Variants in BLTP1 observed in about 807,000 individuals in gnomAD.
The protein encoded by BLTP1 is bridge-like lipid transfer protein family member 1, also known as fragile site-associated protein.
At chr4:122,291,130 T>A in the BLTP1 span, among the ~76,000 whole-genome samples, 2 of 152,254 alleles carry the variant, frequency 1.3e-5, no homozygotes, top group East Asian at 3.9e-4. Context: ...TGGAAATTAA[T>A]ATTTCTAACC....
chr4:122,221,691 T>A, the BLTP1 span: 1 of 580,758 alleles, frequency 1.7e-6, no homozygotes, highest in Non-Finnish European at 2.2e-6. Context: ...AAAAACCTCT[T>A]GTCCTCTCTA....
chr4:122,339,186 T>C, the BLTP1 span: 1 of 1,607,486 alleles, frequency 6.2e-7, no homozygotes, highest in Non-Finnish European at 8.5e-7. Flanking sequence ...CTAGAAACCT[T>C]TTGCTGTCTG....
At chr4:122,166,119 T>C in the BLTP1 span, among the ~76,000 whole-genome samples, 3 of 152,172 alleles carry the variant, frequency 2.0e-5, no homozygotes, top group Non-Finnish European at 4.4e-5. Context: ...TGCCATTGCT[T>C]TTGGTATTTT....
the BLTP1 span, chr4:122,263,724 T>G: frequency 1.7e-6 from 1 of 582,598 alleles, no homozygotes; most frequent in Non-Finnish European, 2.9e-6. Context: ...TCCATTTATA[T>G]TTTTAAATGC....
the BLTP1 span, chr4:122,347,279 T>G: frequency 3.1e-5 from 30 of 968,690 alleles, 1 homozygote; most frequent in Non-Finnish European, 3.2e-5. Flanking sequence ...AAACCCTAAG[T>G]CTGAGTGTAT....
the BLTP1 span, among the ~76,000 whole-genome samples, chr4:122,361,672 A>AATTTT: frequency 1.3e-5 from 2 of 152,176 alleles, no homozygotes; most frequent in Admixed American, 1.3e-4. Flanking sequence ...GCACTCAGTA[A>AATTTT]ATTTTAGCCT....
chr4:122,266,685 G>GGT, the BLTP1 span: 1 of 1,072,924 alleles, frequency 9.3e-7, no homozygotes, highest in Non-Finnish European at 1.3e-6. Flanking sequence ...TATGTACTGA[G>GGT]GTAGGGTAAG....
At chr4:122,349,027 A>G in the BLTP1 span, 1 of 727,250 alleles carries the variant, frequency 1.4e-6, no homozygotes, top group South Asian at 2.9e-5. The surrounding 1 kb of genome is among the most constrained non-coding windows in gnomAD (Gnocchi z 4.5). Context: ...CAGTTTTTAT[A>G]TAAAGTATGT....
At chr4:122,298,301 C>A in the BLTP1 span, 1 of 689,652 alleles carries the variant, frequency 1.5e-6, no homozygotes, top group Non-Finnish European at 1.8e-6. Context: ...TAACCTGCAC[C>A]ATGCTCTTGC....
At chr4:122,333,621 G>A in the BLTP1 span, 11 of 1,579,866 alleles carry the variant, frequency 7.0e-6, no homozygotes, top group South Asian at 5.9e-5. Context: ...ACATTTTTCT[G>A]TTCACAGGAG....
the BLTP1 span, among the ~76,000 whole-genome samples, chr4:122,280,662 T>TA: frequency 0.054 from 4,444 of 82,944 alleles, 153 homozygotes; most frequent in African/African-American, 0.12. Flanking sequence ...AAATTCCATC[T>TA]AAAAAAAAAA....
chr4:122,347,493 TTTTG>T, the BLTP1 span: 2 of 1,587,844 alleles, frequency 1.3e-6, no homozygotes, highest in African/African-American at 1.4e-5. Context: ...ACTTTGGATT[TTTTG>T]TTTGTTTTGT....
the BLTP1 span, chr4:122,267,007 T>C: frequency 6.2e-6 from 6 of 974,678 alleles, no homozygotes; most frequent in Non-Finnish European, 9.0e-6. Context: ...TTATAATACG[T>C]TTGTTTTTTA....
the BLTP1 span, chr4:122,244,199 T>TGAAA: frequency 2.5e-6 from 1 of 397,842 alleles, no homozygotes; most frequent in Non-Finnish European, 3.4e-6. Context: ...AAAATGAAAA[T>TGAAA]ATGCTTAAAG....
the BLTP1 span, chr4:122,153,086 A>G: frequency 2.1e-6 from 2 of 960,344 alleles, no homozygotes; most frequent in East Asian, 1.2e-4. Context: ...ACTACGTTTC[A>G]GCAGAATTTC....
chr4:122,267,601 G>C, the BLTP1 span: 1 of 973,240 alleles, frequency 1.0e-6, no homozygotes, highest in Non-Finnish European at 1.2e-6. Flanking sequence ...CTGGGTTGAC[G>C]TGTCAGGTAG....
At chr4:122,227,401 A>G in the BLTP1 span, 1 of 984,600 alleles carries the variant, frequency 1.0e-6, no homozygotes. Context: ...GAAATGCCAT[A>G]GTATTATTGT....
the BLTP1 span, among the ~76,000 whole-genome samples, chr4:122,238,545 T>C: frequency 4.9e-4 from 74 of 152,348 alleles, no homozygotes; most frequent in African/African-American, 1.7e-3. Context: ...TCATTCAAGA[T>C]ATGAGGAAAG....
chr4:122,292,033 C>T, the BLTP1 span, among the ~76,000 whole-genome samples: 2 of 144,950 alleles, frequency 1.4e-5, no homozygotes, highest in Non-Finnish European at 3.0e-5. Context: ...TGCAATGGCG[C>T]GATCTCAGCT....
Sources: allele counts gnomAD v4.1 joint callset (sites outside exome capture counted in the v4.1 genomes callset), GRCh38; gene constraint gnomAD v4.1.1; non-coding constraint Gnocchi (gnomAD v3.1); transcripts MANE v1.5; gene names NCBI Gene and HGNC (gene_info 2026-07-23, HGNC 2026-07-21).